The following PRKD1 variants were observed in gnomAD, a reference collection of about 807,000 sequenced individuals.
PRKD1 encodes the protein serine/threonine-protein kinase D1.
A neutral mutation model predicts 95.9 loss-of-function variants in PRKD1; 63 were observed. The ratio of observed to expected loss-of-function variants is 0.66; its 90% CI spans 0.54 to 0.81. PRKD1 has a LOEUF of 0.81. Among genes scored for constraint, PRKD1 ranks in the 30% least tolerant of loss-of-function variants. The pLI, the probability that PRKD1 is intolerant of heterozygous loss-of-function variation, is 0.00. For synonymous variants in PRKD1, 425 were observed against 423.1 expected (o/e 1.00, Z -0.05); for missense variants, 1,048 against 1,165.3 (o/e 0.90, Z 1.47).
chr14:29,881,711 G>A (rs1013015684), intron 1 of PRKD1, among the ~76,000 whole-genome samples: 5 of 152,060 alleles, frequency 3.3e-5, no homozygotes, highest in Admixed American at 1.3e-4. Context: ...ACTTTCACTT[G>A]GCTTATTCTT....
chr14:29,907,880 A>G (rs1270238883), intron 1 of PRKD1, among the ~76,000 whole-genome samples: 1 of 152,220 alleles, frequency 6.6e-6, no homozygotes, highest in East Asian at 1.9e-4. Flanking sequence ...AGAGATGTAT[A>G]TTTTCCAAAC....
chr14:29,716,484 G>A (rs1053359980), intron 2 of PRKD1, among the ~76,000 whole-genome samples: 3 of 152,142 alleles, frequency 2.0e-5, no homozygotes, highest in Non-Finnish European at 4.4e-5. Context: ...GGAACAGCAG[G>A]AGAGGTCAGC....
chr14:29,621,102 A>C (rs1283214400), intron 13 of PRKD1, among the ~76,000 whole-genome samples: 2 of 150,534 alleles, frequency 1.3e-5, no homozygotes, highest in Non-Finnish European at 3.0e-5. Context: ...AAAAAAAAAC[A>C]AACACTGCAT....
At chr14:29,750,043 T>C (rs1566578763) in intron 1 of PRKD1, among the ~76,000 whole-genome samples, 1 of 152,092 alleles carries the variant, frequency 6.6e-6, no homozygotes, top group Non-Finnish European at 1.5e-5. Context: ...TTGCTCTGAG[T>C]AGAACAAGGG....
chr14:29,835,892 G>T (rs1426315554), intron 1 of PRKD1, among the ~76,000 whole-genome samples: 1 of 152,054 alleles, frequency 6.6e-6, no homozygotes, highest in Non-Finnish European at 1.5e-5. Flanking sequence ...TTTAAATCTA[G>T]GTTTAACCAG....
chr14:29,857,349 GA>G (rs149557038), intron 1 of PRKD1, among the ~76,000 whole-genome samples: 72 of 152,116 alleles, frequency 4.7e-4, no homozygotes, highest in African/African-American at 1.7e-3. Context: ...AGCCATCAGA[GA>G]AAACAACAAC....
Position 29,908,621 on chromosome 14 carries a change from G to A in PRKD1, c.264+18628C>T, listed in dbSNP as rs569558557. On this transcript the variant is annotated intron_variant, in intron 1 of 17. Transcript: ENST00000331968. ...ATTTTTAAAATATCCTACAGCTTAT[G>A]CATAAGGACATTTCAAAGAAAAACA... Among the ~76,000 whole-genome samples the A allele has an allele frequency of 5.3e-5, 8 of 152,244 alleles. No homozygotes were observed. The East Asian group carries it at 1.4e-3, about 26-fold the overall frequency.
chr14:29,904,168 T>C (rs887519402), intron 1 of PRKD1, among the ~76,000 whole-genome samples: 1 of 152,140 alleles, frequency 6.6e-6, no homozygotes, highest in Non-Finnish European at 1.5e-5. Context: ...GATCTGCCTA[T>C]AAAAGAATAG....
chr14:29,907,840 T>C (rs1324568403), intron 1 of PRKD1, among the ~76,000 whole-genome samples: 7 of 152,226 alleles, frequency 4.6e-5, no homozygotes, highest in Non-Finnish European at 1.0e-4. Context: ...TACTAAGGAA[T>C]TGTTTTATGG....
intron 1 of PRKD1, among the ~76,000 whole-genome samples, chr14:29,794,918 C>T (rs1327745281): frequency 1.3e-5 from 2 of 152,102 alleles, no homozygotes; most frequent in African/African-American, 4.8e-5. Context: ...CCTACAGACT[C>T]ACTAAAAATC....
chr14:29,629,987 CCT>C (rs554713725), intron 10 of PRKD1, among the ~76,000 whole-genome samples: 5 of 93,506 alleles, frequency 5.3e-5, no homozygotes, highest in African/African-American at 1.4e-4. Context: ...TCTTCCTCCT[CCT>C]CTTCTTCTTC....
chr14:29,693,993 A>G (rs1343198860), intron 2 of PRKD1, among the ~76,000 whole-genome samples: 2 of 152,216 alleles, frequency 1.3e-5, no homozygotes, highest in East Asian at 3.9e-4. Flanking sequence ...TTTTTAATAA[A>G]TCTTTCAAAT....
chr14:29,826,784 T>TAC (rs1891180569), intron 1 of PRKD1, among the ~76,000 whole-genome samples: 2 of 51,616 alleles, frequency 3.9e-5, no homozygotes, highest in South Asian at 1.4e-3. Context: ...TATATATACA[T>TAC]ATATACACAT....
chr14:29,872,788 T>C (rs995450482), intron 1 of PRKD1, among the ~76,000 whole-genome samples: 7 of 152,070 alleles, frequency 4.6e-5, no homozygotes, highest in African/African-American at 1.7e-4. Flanking sequence ...AACAGAAACA[T>C]ATTCAAGAAA....
At chr14:29,856,596 A>T (rs1346184649) in intron 1 of PRKD1, among the ~76,000 whole-genome samples, 1 of 152,180 alleles carries the variant, frequency 6.6e-6, no homozygotes, top group Non-Finnish European at 1.5e-5. Context: ...AGAGGAACCA[A>T]TCAATGTATC....
At chr14:29,783,778 C>A (rs928820374) in intron 1 of PRKD1, among the ~76,000 whole-genome samples, 15 of 152,040 alleles carry the variant, frequency 9.9e-5, no homozygotes, top group African/African-American at 3.4e-4. Context: ...GTTGGCCATT[C>A]GTATGTCTTC....
intron 1 of PRKD1, among the ~76,000 whole-genome samples, chr14:29,912,360 G>C (rs1894747058): frequency 1.3e-5 from 2 of 152,134 alleles, no homozygotes; most frequent in Admixed American, 6.5e-5. Context: ...TCCACATGGA[G>C]AAAATTCTAA....
chr14:29,654,102 A>C (rs1042826918), intron 4 of PRKD1, among the ~76,000 whole-genome samples: 1 of 152,086 alleles, frequency 6.6e-6, no homozygotes, highest in East Asian at 1.9e-4. Flanking sequence ...TTAAAAAAGC[A>C]GTATAACCTA....
chr14:29,879,290 T>C (rs568624501), intron 1 of PRKD1, among the ~76,000 whole-genome samples: 31 of 152,238 alleles, frequency 2.0e-4, no homozygotes, highest in Non-Finnish European at 3.5e-4. Flanking sequence ...GGGACCGCGG[T>C]GGGGCGCGGG....
Sources: gnomAD v4.1 joint callset for allele counts (sites outside exome capture counted in the v4.1 genomes callset) on GRCh38, gnomAD v4.1.1 for gene constraint, MANE v1.5 for transcripts, NCBI Gene and HGNC (gene_info 2026-07-23, HGNC 2026-07-21) for gene names.